NKAIN2: variants seen among roughly 807,000 people sequenced by gnomAD.
NKAIN2 encodes sodium/potassium-transporting ATPase subunit beta-1-interacting protein 2.
Under a neutral mutation model 32.6 loss-of-function variants are expected in NKAIN2, and 14 were observed. That is an observed-to-expected ratio of 0.43 (90% CI 0.28 to 0.67). The LOEUF is 0.67. Among genes scored for constraint, NKAIN2 ranks in the 30% least tolerant of loss-of-function variants. The probability of loss-of-function intolerance (pLI) is 0.17; values close to 1 mark genes in which losing one functional copy is unlikely to be tolerated. For synonymous variants in NKAIN2, 80 were observed against 87.2 expected (o/e 0.92, Z 0.46); for missense variants, 198 against 258.3 (o/e 0.77, Z 1.60).
At chr6:124,583,623 A>G (rs1479425071) in intron 3 of NKAIN2, among the ~76,000 whole-genome samples, 1 of 152,216 alleles carries the variant, frequency 6.6e-6, no homozygotes. Flanking sequence ...TACAATTCTA[A>G]ACTAAGTGTC....
chr6:123,856,011 A>C (rs1044373680), intron 1 of NKAIN2, among the ~76,000 whole-genome samples: 1 of 152,216 alleles, frequency 6.6e-6, no homozygotes, highest in Non-Finnish European at 1.5e-5. Flanking sequence ...ATAGTTTCAA[A>C]TTATCCATAG....
At chr6:123,886,825 G>T (rs1001866726) in intron 1 of NKAIN2, among the ~76,000 whole-genome samples, 6 of 152,048 alleles carry the variant, frequency 3.9e-5, no homozygotes, top group Non-Finnish European at 7.4e-5. Flanking sequence ...TTGATAAGCT[G>T]CTTTGAAGTT....
chr6:124,705,819 A>G (rs1775031557), intron 4 of NKAIN2, among the ~76,000 whole-genome samples: 1 of 152,090 alleles, frequency 6.6e-6, no homozygotes, highest in South Asian at 2.1e-4. Flanking sequence ...AAAAGAGTTT[A>G]TGGAAATAAC....
intron 1 of NKAIN2, among the ~76,000 whole-genome samples, chr6:124,197,826 A>G (rs1582831809): frequency 7.2e-6 from 1 of 139,392 alleles, no homozygotes; most frequent in Admixed American, 7.4e-5. Context: ...TCAGAGTATA[A>G]CCTGTGTCTG....
intron 1 of NKAIN2, among the ~76,000 whole-genome samples, chr6:124,279,925 A>G (rs1168641780): frequency 6.6e-6 from 1 of 152,162 alleles, no homozygotes; most frequent in Non-Finnish European, 1.5e-5. Context: ...ATAGTAATGG[A>G]AGGGAAGATA....
At chr6:124,261,250 T>C (rs1048541859) in intron 1 of NKAIN2, among the ~76,000 whole-genome samples, 12 of 152,232 alleles carry the variant, frequency 7.9e-5, no homozygotes, top group African/African-American at 2.7e-4. Flanking sequence ...TTCCTTGTTT[T>C]CATTTTTCTT....
chr6:124,337,407 T>C (rs916524542), intron 2 of NKAIN2, among the ~76,000 whole-genome samples: 1 of 152,164 alleles, frequency 6.6e-6, no homozygotes, highest in African/African-American at 2.4e-5. Flanking sequence ...CTCAACAGGC[T>C]GAGGTAAGAG....
At chr6:124,421,437 TC>T (rs1320444470) in intron 3 of NKAIN2, among the ~76,000 whole-genome samples, 1 of 152,042 alleles carries the variant, frequency 6.6e-6, no homozygotes, top group African/African-American at 2.4e-5. Flanking sequence ...TTAGGGCACT[TC>T]TTTGGATACC....
chr6:124,642,571 A>G (rs1784032291), intron 3 of NKAIN2, among the ~76,000 whole-genome samples: 1 of 152,156 alleles, frequency 6.6e-6, no homozygotes, highest in Admixed American at 6.5e-5. Context: ...TTAATCCAGT[A>G]TATGTTGATT....
chr6:123,897,282 C>T (rs146763715), intron 1 of NKAIN2, among the ~76,000 whole-genome samples: 99 of 152,266 alleles, frequency 6.5e-4, no homozygotes, highest in African/African-American at 2.4e-3. Context: ...TCTCTGTTTG[C>T]TACTTATTCC....
At chr6:124,552,327 C>T (rs563757448) in intron 3 of NKAIN2, among the ~76,000 whole-genome samples, 224 of 152,238 alleles carry the variant, frequency 1.5e-3, no homozygotes, top group Non-Finnish European at 2.4e-3. Flanking sequence ...AAAGTCTGGC[C>T]GATGCTGGAC....
intron 3 of NKAIN2, among the ~76,000 whole-genome samples, chr6:124,439,012 A>G (rs1775578958): frequency 6.6e-6 from 1 of 152,112 alleles, no homozygotes. Context: ...CCGCTTATTA[A>G]TCTATTCAAG....
chr6:124,557,954 C>A (rs985467371), intron 3 of NKAIN2, among the ~76,000 whole-genome samples: 1 of 152,158 alleles, frequency 6.6e-6, no homozygotes, highest in African/African-American at 2.4e-5. Context: ...TTAGTAATTA[C>A]CTCAAACTTG....
chr6:124,604,551 TC>T (rs1266903389), intron 3 of NKAIN2, among the ~76,000 whole-genome samples: 36 of 151,914 alleles, frequency 2.4e-4, no homozygotes, highest in African/African-American at 8.4e-4. Flanking sequence ...ATTTATTAGA[TC>T]TTTCTCTCTA....
In NKAIN2 at chr6:124,696,711, T is replaced by C. The variant is rs117815244; in HGVS notation, c.474+38325T>C. Among the ~76,000 whole-genome samples, 1,330 of 152,148 alleles carry C rather than the reference T, an allele frequency of 8.7e-3. 8 individuals are homozygous for C. Among genetic ancestry groups the C allele is most frequent in the Non-Finnish European group, 0.013 (901 of 68,004 alleles). On this transcript the variant is annotated intron_variant, in intron 4 of 6. Coordinates refer to ENST00000368417, the MANE Select transcript of NKAIN2 (RefSeq NM_001040214.3). ...GTGTCTTCTTGAGAATCAAACCCAA[T>C]TGATATGTTGTTTTCTGCGCTTGAT... is the stretch of plus-strand genomic sequence containing the variant.
chr6:123,946,260 G>A (rs1021183772), intron 1 of NKAIN2, among the ~76,000 whole-genome samples: 19 of 151,940 alleles, frequency 1.3e-4, no homozygotes, highest in African/African-American at 4.6e-4. Context: ...AATTTAGGTG[G>A]CACACATCAT....
intron 3 of NKAIN2, among the ~76,000 whole-genome samples, chr6:124,467,582 G>T (rs1776812564): frequency 6.6e-6 from 1 of 151,928 alleles, no homozygotes; most frequent in African/African-American, 2.4e-5. Context: ...CTCAGAGAAG[G>T]CTCTCCAAAA....
At chr6:124,773,001 A>G (rs377704037) in intron 4 of NKAIN2, among the ~76,000 whole-genome samples, 6 of 52,934 alleles carry the variant, frequency 1.1e-4, no homozygotes, top group Admixed American at 2.5e-4. Context: ...ACTGAAATTC[A>G]TAAGTAGGTG....
intron 1 of NKAIN2, among the ~76,000 whole-genome samples, chr6:123,938,399 TATATATATATATATATATA>T (rs1776627061): frequency 6.1e-4 from 1 of 1,640 alleles, no homozygotes; most frequent in African/African-American, 1.5e-3. Flanking sequence ...GCAAGGGTTA[TATATATATATATATATATA>T]TATATATATA....
Sources: gnomAD v4.1 joint callset for allele counts (sites outside exome capture counted in the v4.1 genomes callset) on GRCh38, gnomAD v4.1.1 for gene constraint, MANE v1.5 for transcripts, NCBI Gene and HGNC (gene_info 2026-07-23, HGNC 2026-07-21) for gene names.